Variants in ICE1 observed in about 807,000 individuals in gnomAD.
The protein encoded by ICE1 is interactor of little elongation complex ELL subunit 1, also known as little elongation complex subunit 1.
A neutral mutation model predicts 192.7 loss-of-function variants in ICE1; 64 were observed. The ratio of observed to expected loss-of-function variants is 0.33; its 90% CI spans 0.27 to 0.41. ICE1 has a LOEUF of 0.41. Among genes scored for constraint, ICE1 ranks in the 10% least tolerant of loss-of-function variants. The pLI is 1.00. For missense variants in ICE1, 2,708 were observed against 2,696.0 expected (o/e 1.00, Z -0.10); for synonymous variants, 1,010 against 984.5 (o/e 1.03, Z -0.49).
chr5:5,486,652 C>A, intron 17 of ICE1, 69 bp from the exon 18 acceptor site: 1 of 1,089,504 alleles, frequency 9.2e-7, no homozygotes, highest in Non-Finnish European at 1.4e-6. Context: ...AGAAGTGGAC[C>A]TTTAAATTCT....
chr5:5,430,301 A>G (rs1050440109), intron 1 of ICE1, among the ~76,000 whole-genome samples: 14 of 151,334 alleles, frequency 9.3e-5, no homozygotes, highest in African/African-American at 3.1e-4. Context: ...TGATTGGAGG[A>G]AAAAAAAATG....
chr5:5,440,550 G>A (rs973507268), intron 4 of ICE1, among the ~76,000 whole-genome samples: 6 of 152,248 alleles, frequency 3.9e-5, no homozygotes, highest in Admixed American at 2.0e-4. Context: ...TAGGCTGGCC[G>A]CAATGGCTCA....
intron 18 of ICE1, 26 bp downstream of exon 18, chr5:5,486,845 C>T: frequency 6.6e-7 from 1 of 1,506,840 alleles, no homozygotes; most frequent in Non-Finnish European, 9.1e-7. Context: ...ATTAAAATTA[C>T]TTTTAAGTAA....
intron 10 of ICE1, among the ~76,000 whole-genome samples, chr5:5,449,464 A>G (rs915591325): frequency 2.0e-5 from 3 of 151,962 alleles, no homozygotes; most frequent in African/African-American, 7.2e-5. Context: ...TCGACCGGAA[A>G]AAAAAAAAAC....
Position 5,464,993 on chromosome 5 carries a change from A to G in ICE1, c.5659A>G (p.Arg1887Gly). The G allele has an allele frequency of 6.2e-7, 1 of 1,613,960 alleles. No homozygotes were observed. Among genetic ancestry groups the G allele is most frequent in the Non-Finnish European group, 8.5e-7 (1 of 1,179,854 alleles). ...TGAAGTTGCAACAACAAATGAGGAA[A>G]GAAGTTGTTCTAGTCCAGCCGTCAG... is the stretch of plus-strand genomic sequence containing the variant. ...PAEVATTNEE[R>G]SCSSPAVSAV... Residue 1887 changes from arginine to glycine, a missense_variant, in exon 13 of 19, where the codon AGA becomes GGA. By Grantham distance (125) the Arg-to-Gly change is moderately radical. Coordinates refer to ENST00000296564, the MANE Select transcript of ICE1 (RefSeq NM_015325.3). The surrounding 1 kb of genome is among the most constrained non-coding windows in gnomAD (Gnocchi z 4.0).
At chr5:5,475,762 G>A (rs868791149) in intron 16 of ICE1, among the ~76,000 whole-genome samples, 2 of 152,212 alleles carry the variant, frequency 1.3e-5, no homozygotes, top group African/African-American at 2.4e-5. Context: ...CAAGATGCAA[G>A]CACTGAATTT....
chr5:5,486,964 T>G, intron 18 of ICE1, 145 bp downstream of exon 18: 1 of 591,742 alleles, frequency 1.7e-6, no homozygotes, highest in Non-Finnish European at 3.0e-6. Context: ...CATTCCAGCA[T>G]TAATATTGGA....
chr5:5,456,525 T>G (rs1309609340), intron 11 of ICE1, among the ~76,000 whole-genome samples: 3 of 152,200 alleles, frequency 2.0e-5, no homozygotes, highest in African/African-American at 7.2e-5. Flanking sequence ...TTCATTGCTA[T>G]CCTTTTAGCT....
chr5:5,441,060 A>G, intron 4 of ICE1, 52 bp from the exon 5 acceptor site: 1 of 1,127,116 alleles, frequency 8.9e-7, no homozygotes, highest in African/African-American at 1.6e-5. Flanking sequence ...ACATATATTT[A>G]ATACTTCGTT....
At chr5:5,480,914 G>A (rs1027387612) in intron 17 of ICE1, among the ~76,000 whole-genome samples, 2 of 152,202 alleles carry the variant, frequency 1.3e-5, no homozygotes, top group Non-Finnish European at 2.9e-5. Flanking sequence ...AGGCACAGAA[G>A]TGGAAATGAA....
intron 11 of ICE1, among the ~76,000 whole-genome samples, chr5:5,455,105 G>A (rs1044323355): frequency 9.2e-5 from 14 of 152,170 alleles, no homozygotes; most frequent in African/African-American, 3.1e-4. Context: ...GCAGATAGCT[G>A]TCTTGTATAA....
chr5:5,444,195 T>C (rs1250631263), intron 6 of ICE1, 94 bp from the exon 7 acceptor site: 5 of 761,410 alleles, frequency 6.6e-6, no homozygotes, highest in Non-Finnish European at 1.1e-5. Flanking sequence ...TATACAAATA[T>C]TTGTAATTTA....
At chr5:5,432,181 T>C (rs1418687950) in intron 1 of ICE1, among the ~76,000 whole-genome samples, 2 of 152,214 alleles carry the variant, frequency 1.3e-5, no homozygotes, top group Non-Finnish European at 2.9e-5. Flanking sequence ...CTATACTAGT[T>C]ACTAGTCATT....
Position 5,457,495 on chromosome 5 carries a change from G to A in ICE1, c.855G>A (p.Gln285=), listed in dbSNP as rs893254730. 6.2e-7 allele frequency: 1 copy of A among 1,613,890 alleles called. No individual in the cohort carries two copies. ...EDFLCQNVEK[Q]SSSGTNCSSD... is the part of the protein sequence containing the mutation. ...TTTTATGTCAAAATGTGGAAAAACAGAGCTCCAGTGGAACAAATTGTAGTT... is the reference window on the plus strand; with the variant it reads ...TTTTATGTCAAAATGTGGAAAAACAAAGCTCCAGTGGAACAAATTGTAGTT... The change falls in exon 12 of 19, where the codon CAG becomes CAA. Residue 285 remains glutamine (Q), a synonymous_variant. Transcript: ENST00000296564.
Position 5,460,440 on chromosome 5 carries a change from C to T in ICE1, c.1106C>T (p.Thr369Ile). The T allele has an allele frequency of 6.5e-7, 1 of 1,543,510 alleles. No homozygotes were observed. The highest frequency in any genetic ancestry group is 1.4e-5 in the African/African-American group (1 of 72,296). The change falls in exon 13 of 19, where the codon ACC becomes ATC. Residue 369 changes from threonine (T) to isoleucine (I), a missense_variant. By Grantham distance (89) the Thr-to-Ile change is moderately conservative. This residue lies in a region of ICE1 where 2,366 missense variants were observed against 2,276.6 expected (regional missense o/e 1.04). Coordinates refer to ENST00000296564, the MANE Select transcript of ICE1 (RefSeq NM_015325.3). ...GTGTAATTCATATTTTTTAAGGAAA[C>T]CTACTTTGGAGAATACACAGATTCC... The part of the protein sequence containing the change: ...GSLPSSFAPE[T>I]YFGEYTDSSD...
intron 2 of ICE1, among the ~76,000 whole-genome samples, 170 bp downstream of exon 2, chr5:5,436,646 G>T (rs1429823018): frequency 6.6e-6 from 1 of 152,128 alleles, no homozygotes; most frequent in Non-Finnish European, 1.5e-5. Flanking sequence ...TGAACCTTTT[G>T]TTACAGGTTC....
At chr5:5,486,934 AT>A (rs1349161497) in intron 18 of ICE1, 115 bp downstream of exon 18, 46 of 623,254 alleles carry the variant, frequency 7.4e-5, no homozygotes, top group Non-Finnish European at 1.2e-4. Flanking sequence ...TGCCTCATAG[AT>A]TAGGGAATAT....
intron 1 of ICE1, among the ~76,000 whole-genome samples, chr5:5,431,964 G>T: frequency 6.6e-6 from 1 of 150,684 alleles, no homozygotes; most frequent in African/African-American, 2.4e-5. Flanking sequence ...CTCGTGTCTG[G>T]GTTTTTATTT....
At chr5:5,442,996 G>A (rs931345453) in intron 5 of ICE1, among the ~76,000 whole-genome samples, 172 bp from the exon 6 acceptor site, 2 of 152,060 alleles carry the variant, frequency 1.3e-5, no homozygotes, top group Non-Finnish European at 2.9e-5. Context: ...TATATTGTTA[G>A]TCATATTTCA....
Sources: allele counts gnomAD v4.1 joint callset (sites outside exome capture counted in the v4.1 genomes callset), GRCh38; gene constraint gnomAD v4.1.1; regional missense constraint gnomAD v4.1.1; non-coding constraint Gnocchi (gnomAD v3.1); transcripts MANE v1.5; gene names NCBI Gene and HGNC (gene_info 2026-07-23, HGNC 2026-07-21).